Variants in PARL observed in about 807,000 individuals in gnomAD.
PARL encodes the protein presenilin-associated rhomboid-like protein, mitochondrial.
In PARL, 44 loss-of-function variants were observed where a neutral mutation model predicts 51.6. The ratio of observed to expected loss-of-function variants is 0.85; its 90% CI spans 0.67 to 1.10. The LOEUF is 1.10. Ranked by LOEUF, PARL falls within the 50% of genes least tolerant of loss-of-function variation. PARL has a pLI of 0.00. For missense variants in PARL, 441 were observed against 469.5 expected, an observed-to-expected ratio of 0.94 and a Z score of 0.56; for synonymous variants, 172 against 164.0, an observed-to-expected ratio of 1.05 and a Z score of -0.37.
At chr3:183,850,698 A>T (rs548879440) in intron 4 of PARL, among the ~76,000 whole-genome samples, 1 of 152,360 alleles carries the variant, frequency 6.6e-6, no homozygotes. Context: ...ACAAAAAACT[A>T]TCAATATTCC....
intron 4 of PARL, among the ~76,000 whole-genome samples, chr3:183,858,932 CA>C (rs1284714751): frequency 4.0e-5 from 6 of 149,090 alleles, no homozygotes; most frequent in African/African-American, 4.9e-5. Flanking sequence ...CCAAACAAAC[CA>C]AAAAAAAAGG....
chr3:183,856,063 C>T (rs908105449), intron 4 of PARL, among the ~76,000 whole-genome samples: 1 of 151,996 alleles, frequency 6.6e-6, no homozygotes, highest in Non-Finnish European at 1.5e-5. Context: ...TGGTACCAGT[C>T]CCTGCCCAGG....
At position 183,846,505 on chromosome 3, in the gene PARL, GC is replaced by G. The variant is rs1266773862; in HGVS notation, c.512-2180del. The G allele has an allele frequency of 3.1e-6, 3 of 979,090 alleles. No homozygotes were observed. In the Admixed American group the frequency reaches 1.9e-4, roughly 61 times the overall value. The allele number at this position is 979,090 out of a possible 1,614,324, so 60.7% of individuals were successfully genotyped here. A position where few individuals can be genotyped will look rare whatever the true frequency, so the allele number is the denominator to read the frequency against. On this transcript the variant is annotated intron_variant, in intron 4 of 9. Transcript: ENST00000317096. ...GGAAACTGTCTCAAAAAAAAAAAAA[GC>G]GGGGGGAAAGATAACCAAAGACATT...
intron 1 of PARL, among the ~76,000 whole-genome samples, chr3:183,869,911 C>T (rs1001153675): frequency 2.6e-5 from 4 of 152,042 alleles, no homozygotes; most frequent in Non-Finnish European, 5.9e-5. Context: ...ACTCATTCTC[C>T]TCTACAAACA....
chr3:183,855,327 G>A (rs983524057), intron 4 of PARL, among the ~76,000 whole-genome samples: 3 of 152,122 alleles, frequency 2.0e-5, no homozygotes, highest in African/African-American at 7.2e-5. Context: ...AGATGTGGGA[G>A]GTCTCACTAT....
Position 183,829,375 on chromosome 3 carries a change from AAC to A in PARL, c.*221_*222del. ...AGCCGTGTCGGCCCCTTAAAGAGAGAACACACACATCTGCTTACAAACTAGAT... is the reference window on the plus strand; with the variant it reads ...AGCCGTGTCGGCCCCTTAAAGAGAGAACACACATCTGCTTACAAACTAGAT... On this transcript the variant is annotated 3_prime_UTR_variant, in exon 10 of 10. Coordinates refer to ENST00000317096, the MANE Select transcript of PARL (RefSeq NM_018622.7). The A allele has an allele frequency of 6.9e-7, 1 of 1,443,258 alleles. No individual in the cohort carries two copies. The highest frequency in any genetic ancestry group is 1.4e-5 in the South Asian group (1 of 70,288). 89.4% of individuals were successfully genotyped at this position (1,443,258 alleles called of 1,614,324 possible). A position where few individuals can be genotyped will look rare whatever the true frequency, so the allele number is the denominator to read the frequency against.
At chr3:183,828,274 T>G (rs1185839505), downstream of PARL, among the ~76,000 whole-genome samples, 2 of 152,234 alleles carry the variant, frequency 1.3e-5, no homozygotes, top group Non-Finnish European at 2.9e-5. Flanking sequence ...CGATGTGAAT[T>G]AATGTTGGGC....
rs144063576 is a variant in PARL, at chr3:183,851,689, T to C, written c.512-7363A>G. Reference sequence around the variant, plus strand: ...CAATAAGGGATTAATATCCAGAATATATAAAAAAAAACTCAACAACCCAAT... The same window carrying C: ...CAATAAGGGATTAATATCCAGAATACATAAAAAAAAACTCAACAACCCAAT... On this transcript the variant is annotated intron_variant, in intron 4 of 9. Coordinates refer to ENST00000317096, the MANE Select transcript of PARL (RefSeq NM_018622.7). Among the ~76,000 whole-genome samples, 416 of 151,390 alleles carry C rather than the reference T, an allele frequency of 2.7e-3. 5 individuals carry two copies. The highest frequency in any genetic ancestry group is 9.6e-3 in the African/African-American group (396 of 41,250).
chr3:183,862,057 G>A (rs900511281), intron 4 of PARL, among the ~76,000 whole-genome samples: 39 of 152,304 alleles, frequency 2.6e-4, no homozygotes, highest in African/African-American at 7.2e-4. Context: ...TTACAGGCAT[G>A]AGCCACTCTT....
intron 4 of PARL, among the ~76,000 whole-genome samples, chr3:183,848,445 G>A (rs577442377): frequency 6.6e-6 from 1 of 152,298 alleles, no homozygotes; most frequent in Admixed American, 6.5e-5. Context: ...GTTTCACCAT[G>A]TCAGCCAGGA....
In PARL at chr3:183,836,647, A is replaced by C. The variant is rs1027915160; in HGVS notation, c.829-2822T>G. ...CAACAGACCTAAGAGGTGTGGGTCCATGGGAAGAGGTGAAGGTCTTTTGTT... is the reference window on the plus strand; with the variant it reads ...CAACAGACCTAAGAGGTGTGGGTCCCTGGGAAGAGGTGAAGGTCTTTTGTT... On this transcript the variant is annotated intron_variant, in intron 7 of 9. Coordinates refer to ENST00000317096, the MANE Select transcript of PARL (RefSeq NM_018622.7). Among the ~76,000 whole-genome samples, 30 of 152,356 alleles carry C rather than the reference A, an allele frequency of 2.0e-4. 3 individuals carry two copies. Among genetic ancestry groups the C allele is most frequent in the Admixed American group, 1.3e-3 (20 of 15,304 alleles).
intron 3 of PARL, among the ~76,000 whole-genome samples, chr3:183,863,316 A>C (rs1196878978): frequency 6.6e-6 from 1 of 152,132 alleles, no homozygotes; most frequent in Non-Finnish European, 1.5e-5. Context: ...TTTATGCATG[A>C]AATACGTCTA....
chr3:183,832,656 G>A (rs1021388741), intron 9 of PARL, among the ~76,000 whole-genome samples: 2 of 152,174 alleles, frequency 1.3e-5, no homozygotes, highest in Non-Finnish European at 2.9e-5. Context: ...TCATGCTGAC[G>A]GGTCTCCCAC....
chr3:183,829,073 A>G (rs187432580), downstream of PARL, among the ~76,000 whole-genome samples: 1 of 152,366 alleles, frequency 6.6e-6, no homozygotes, highest in African/African-American at 2.4e-5. Context: ...ACCTGAAAAT[A>G]GCTTTTTGTA....
At chr3:183,850,647 T>C (rs1056201704) in intron 4 of PARL, among the ~76,000 whole-genome samples, 2 of 152,198 alleles carry the variant, frequency 1.3e-5, no homozygotes, top group Non-Finnish European at 2.9e-5. Flanking sequence ...AGGAACATTC[T>C]ATGTAGCCAC....
chr3:183,847,384 G>A (rs1300214637), intron 4 of PARL, among the ~76,000 whole-genome samples: 1 of 152,054 alleles, frequency 6.6e-6, no homozygotes, highest in African/African-American at 2.4e-5. Context: ...GCAACATAGT[G>A]AGACCTCCTC....
At chr3:183,833,428 G>C (rs769431606) in intron 9 of PARL, 64 bp downstream of exon 9, 2 of 969,930 alleles carry the variant, frequency 2.1e-6, no homozygotes, top group Non-Finnish European at 3.4e-6. Context: ...TAGGGGTGAG[G>C]CTGGGGTAGG....
chr3:183,846,942 CT>C (rs1298470843), intron 4 of PARL, among the ~76,000 whole-genome samples: 3 of 152,344 alleles, frequency 2.0e-5, no homozygotes, highest in Admixed American at 6.5e-5. Flanking sequence ...AATTCCTAAT[CT>C]AGTGCTCTTT....
chr3:183,829,359 G>C lies in PARL; in HGVS notation c.*239C>G. 7.3e-7 allele frequency: 1 copy of C among 1,378,850 alleles called. No homozygotes were observed. The highest frequency in any genetic ancestry group is 2.7e-5 in the East Asian group (1 of 36,758). 85.4% of individuals were successfully genotyped at this position (1,378,850 alleles called of 1,614,324 possible). A position where few individuals can be genotyped will look rare whatever the true frequency, so the allele number is the denominator to read the frequency against. Reference sequence around the variant, plus strand: ...CAAAGCAAAATGCCAGAGCCGTGTCGGCCCCTTAAAGAGAGAACACACACA... The same window carrying C: ...CAAAGCAAAATGCCAGAGCCGTGTCCGCCCCTTAAAGAGAGAACACACACA... On this transcript the variant is annotated 3_prime_UTR_variant, in exon 10 of 10. Coordinates refer to ENST00000317096, the MANE Select transcript of PARL (RefSeq NM_018622.7).
Sources: allele counts gnomAD v4.1 joint callset (sites outside exome capture counted in the v4.1 genomes callset), GRCh38; gene constraint gnomAD v4.1.1; transcripts MANE v1.5; gene names NCBI Gene and HGNC (gene_info 2026-07-23, HGNC 2026-07-21).